The following ADAMTS12 variants were observed in gnomAD, a reference collection of about 807,000 sequenced individuals.
ADAMTS12 encodes the protein A disintegrin and metalloproteinase with thrombospondin motifs 12.
ADAMTS12 carries 118 observed loss-of-function variants against 167.8 expected under a neutral mutation model. The ratio of observed to expected loss-of-function variants is 0.70; its 90% confidence interval spans 0.61 to 0.82. The LOEUF is 0.82. ADAMTS12 is among the 40% of genes least tolerant of loss of function. The probability of loss-of-function intolerance (pLI) is 0.00; values close to 1 mark genes in which losing one functional copy is unlikely to be tolerated. For synonymous variants in ADAMTS12, 704 were observed against 716.9 expected, an observed-to-expected ratio of 0.98 and a Z score of 0.29; for missense variants, 1,916 against 1,998.8, an observed-to-expected ratio of 0.96 and a Z score of 0.79.
rs113757272 is a variant in ADAMTS12 at position 33,789,677 on chromosome 5, C to T, written c.490-38129G>A. Among the ~76,000 whole-genome samples, 71 of 152,264 alleles carry T rather than the reference C, an allele frequency of 4.7e-4. No homozygotes were observed. In the South Asian group the frequency reaches 6.6e-3, roughly 14 times the overall value. On this transcript the variant is annotated intron_variant, in intron 2 of 23. Transcript: ENST00000504830. ...AGTGCTTTGATAGAAACACACACAG[C>T]GTTCTTGACAGTCCTTGGCACTTCA...
At chr5:33,889,228 T>G (rs890892130) in intron 1 of ADAMTS12, among the ~76,000 whole-genome samples, 1 of 152,092 alleles carries the variant, frequency 6.6e-6, no homozygotes, top group Non-Finnish European at 1.5e-5. Flanking sequence ...GTGGGAGAAT[T>G]GCTTAAGGCC....
At chr5:33,588,559 C>T (rs1476240719) in intron 18 of ADAMTS12, 40 bp downstream of exon 18, 1 of 1,604,418 alleles carries the variant, frequency 6.2e-7, no homozygotes, top group Admixed American at 1.7e-5. Flanking sequence ...GCTGATGAAG[C>T]TTGAATAATG....
intron 5 of ADAMTS12, among the ~76,000 whole-genome samples, chr5:33,678,252 T>C (rs774401662): frequency 6.6e-6 from 1 of 152,246 alleles, no homozygotes; most frequent in Non-Finnish European, 1.5e-5. Context: ...GCAACTTGGC[T>C]GCCATTGGCC....
At chr5:33,835,595 GAACT>G (rs1435179790) in intron 2 of ADAMTS12, among the ~76,000 whole-genome samples, 1 of 152,306 alleles carries the variant, frequency 6.6e-6, no homozygotes, top group East Asian at 1.9e-4. Context: ...CATGATGGAA[GAACT>G]AACTAGCTCG....
intron 5 of ADAMTS12, among the ~76,000 whole-genome samples, chr5:33,676,923 T>C (rs1204392602): frequency 6.6e-6 from 1 of 152,134 alleles, no homozygotes; most frequent in Admixed American, 6.6e-5. Flanking sequence ...AAGAATTTCT[T>C]TGTGAAAGTG....
At chr5:33,541,099 T>C (rs982311048) in intron 22 of ADAMTS12, among the ~76,000 whole-genome samples, 5 of 152,152 alleles carry the variant, frequency 3.3e-5, no homozygotes, top group African/African-American at 1.2e-4. Flanking sequence ...AAAGGTTAGA[T>C]GAATGGCTAA....
At chr5:33,697,504 T>C (rs1247539415) in intron 3 of ADAMTS12, among the ~76,000 whole-genome samples, 2 of 151,990 alleles carry the variant, frequency 1.3e-5, no homozygotes, top group African/African-American at 2.4e-5. Context: ...TATGATGAGG[T>C]TTCTCTTCAA....
At chr5:33,596,461 C>T (rs1737883458) in intron 16 of ADAMTS12, among the ~76,000 whole-genome samples, 1 of 152,156 alleles carries the variant, frequency 6.6e-6, no homozygotes, top group Non-Finnish European at 1.5e-5. Context: ...GCAGGTGGAT[C>T]ACTTGAGGTC....
chr5:33,833,598 A>AG (rs34022995), intron 2 of ADAMTS12, among the ~76,000 whole-genome samples: 21,766 of 152,072 alleles, frequency 0.14, 2,820 homozygotes, highest in East Asian at 0.38. Flanking sequence ...TGTATCTGTT[A>AG]GAAATTAAGT....
rs1188256978 is a variant in ADAMTS12, at chr5:33,533,081, C to T, written c.4606+1752G>A. ...ATTGTTAAGCACATCAATTGCCAGC[C>T]AACTATTCGTCGCCATTTATTCTGT... On this transcript the variant is annotated intron_variant, in intron 23 of 23. Coordinates refer to ENST00000504830, the MANE Select transcript of ADAMTS12 (RefSeq NM_030955.4). Among the ~76,000 whole-genome samples, 5 of 152,260 alleles carry T rather than the reference C, an allele frequency of 3.3e-5. No homozygotes were observed. The East Asian group carries it at 5.8e-4, about 18-fold the overall frequency.
chr5:33,542,582 A>ACTT (rs906952944), intron 22 of ADAMTS12, among the ~76,000 whole-genome samples: 4 of 152,180 alleles, frequency 2.6e-5, no homozygotes, highest in Non-Finnish European at 5.9e-5. Flanking sequence ...ACCACATCAC[A>ACTT]CTTATTCTAA....
chr5:33,688,505 T>A (rs1004654233), intron 3 of ADAMTS12, among the ~76,000 whole-genome samples: 1 of 152,188 alleles, frequency 6.6e-6, no homozygotes, highest in South Asian at 2.1e-4. Context: ...CTTCCCCACA[T>A]ACTGCAGGCA....
intron 4 of ADAMTS12, among the ~76,000 whole-genome samples, chr5:33,683,372 T>C (rs1449261036): frequency 6.6e-6 from 1 of 152,202 alleles, no homozygotes; most frequent in African/African-American, 2.4e-5. Context: ...TCCTCTTCTA[T>C]TATCAGTTAC....
intron 2 of ADAMTS12, among the ~76,000 whole-genome samples, chr5:33,778,292 A>G (rs1057089478): frequency 2.6e-5 from 4 of 152,216 alleles, no homozygotes; most frequent in African/African-American, 9.6e-5. Flanking sequence ...TATAATAATC[A>G]AAACAGCAGA....
At chr5:33,763,520 A>G (rs527847188) in intron 2 of ADAMTS12, among the ~76,000 whole-genome samples, 5 of 152,310 alleles carry the variant, frequency 3.3e-5, no homozygotes, top group Admixed American at 2.6e-4. Context: ...GTGTTGTTTT[A>G]TGTCACTTTG....
At chr5:33,579,032 A>C (rs1399567747) in intron 18 of ADAMTS12, among the ~76,000 whole-genome samples, 1 of 152,224 alleles carries the variant, frequency 6.6e-6, no homozygotes, top group African/African-American at 2.4e-5. Flanking sequence ...TCAGAGCCCA[A>C]CAGGGAGGAA....
chr5:33,876,414 G>A (rs773871629), intron 2 of ADAMTS12, among the ~76,000 whole-genome samples: 3 of 152,294 alleles, frequency 2.0e-5, no homozygotes, highest in Admixed American at 6.5e-5. Flanking sequence ...CAGTTATGAA[G>A]ACTGTGTGCT....
intron 6 of ADAMTS12, 52 bp from the exon 7 acceptor site, chr5:33,658,385 ACCT>A: frequency 6.3e-7 from 1 of 1,591,682 alleles, no homozygotes; most frequent in Non-Finnish European, 8.6e-7. Flanking sequence ...ATCTGGAAAA[ACCT>A]CCTGGAAAAA....
intron 3 of ADAMTS12, among the ~76,000 whole-genome samples, chr5:33,743,282 G>A (rs77860675): frequency 6.6e-6 from 1 of 152,210 alleles, no homozygotes; most frequent in Non-Finnish European, 1.5e-5. Context: ...AGTCCAGGGT[G>A]GGGGAAGGCA....
Sources: gnomAD v4.1 joint callset for allele counts (sites outside exome capture counted in the v4.1 genomes callset) on GRCh38, gnomAD v4.1.1 for gene constraint, MANE v1.5 for transcripts, NCBI Gene and HGNC (gene_info 2026-07-23, HGNC 2026-07-21) for gene names.